The following CSMD1 variants were observed in gnomAD, a reference collection of about 807,000 sequenced individuals.
CSMD1 encodes the protein CUB and sushi domain-containing protein 1.
In CSMD1, 213 loss-of-function variants were observed where a neutral mutation model predicts 417.5. That is an observed-to-expected ratio of 0.51 (90% confidence interval 0.46 to 0.57). The LOEUF (loss-of-function observed/expected upper bound fraction) is 0.57. Among genes scored for constraint, CSMD1 ranks in the 20% least tolerant of loss-of-function variants. The pLI is 0.00. For missense variants in CSMD1, 6,923 were observed against 4,529.7 expected (o/e 1.53, Z -15.17); for synonymous variants, 2,862 against 1,736.8 (o/e 1.65, Z -16.11).
chr8:4,187,732 G>T lies in CSMD1; in HGVS notation c.416-155633C>A, dbSNP rs372634138. 4.7e-5 allele frequency among the ~76,000 whole-genome samples: 7 copies of T among 147,420 alleles called. No individual in the cohort carries two copies. The East Asian group carries it at 6.0e-4, about 13-fold the overall frequency. Reference sequence around the variant, plus strand: ...TTTATTCTAGTTAGTGTACATTAAGGCACCATAAATGAACACTCAGAGAAA... The same window carrying T: ...TTTATTCTAGTTAGTGTACATTAAGTCACCATAAATGAACACTCAGAGAAA... On this transcript the variant is annotated intron_variant, in intron 3 of 69. Coordinates refer to ENST00000635120, the MANE Select transcript of CSMD1 (RefSeq NM_033225.6).
intron 1 of CSMD1, among the ~76,000 whole-genome samples, chr8:4,832,931 T>G (rs73181601): frequency 0.037 from 5,592 of 152,240 alleles, 145 homozygotes; most frequent in South Asian, 0.07. Flanking sequence ...TACCCTTGAT[T>G]CTAAAAGCTC....
chr8:3,714,808 T>G (rs1241878991), intron 6 of CSMD1, among the ~76,000 whole-genome samples: 1 of 152,076 alleles, frequency 6.6e-6, no homozygotes, highest in Non-Finnish European at 1.5e-5. Context: ...TTTGTCTAGT[T>G]TATGATTGCA....
intron 23 of CSMD1, among the ~76,000 whole-genome samples, chr8:3,330,045 G>A (rs1462147366): frequency 6.6e-6 from 1 of 152,172 alleles, no homozygotes; most frequent in African/African-American, 2.4e-5. Context: ...AGAAGCTCAA[G>A]CCCATGGCAG....
intron 3 of CSMD1, among the ~76,000 whole-genome samples, chr8:4,170,601 T>A (rs1343529153): frequency 6.6e-6 from 1 of 151,910 alleles, no homozygotes; most frequent in Admixed American, 6.6e-5. Context: ...AAATTCTGTT[T>A]CTACAAACAT....
chr8:4,486,577 A>T (rs1801428064), intron 2 of CSMD1, among the ~76,000 whole-genome samples: 1 of 152,078 alleles, frequency 6.6e-6, no homozygotes, highest in Non-Finnish European at 1.5e-5. Context: ...ATCAATGCAT[A>T]TATAAGAAGT....
intron 5 of CSMD1, among the ~76,000 whole-genome samples, chr8:3,829,346 G>A (rs979925255): frequency 6.6e-6 from 1 of 152,036 alleles, no homozygotes; most frequent in Non-Finnish European, 1.5e-5. Context: ...GGTCTTTCTG[G>A]TTACTGAGAA....
At chr8:4,453,988 A>AT (rs1381358878) in intron 2 of CSMD1, among the ~76,000 whole-genome samples, 20 of 151,296 alleles carry the variant, frequency 1.3e-4, no homozygotes, top group African/African-American at 4.6e-4. Flanking sequence ...CGCCCGGCTA[A>AT]TTTTTTGTAT....
chr8:4,600,086 G>A (rs757276855), intron 2 of CSMD1, among the ~76,000 whole-genome samples: 1 of 152,170 alleles, frequency 6.6e-6, no homozygotes, highest in Non-Finnish European at 1.5e-5. Context: ...TGTGGAGTTA[G>A]GACTAGAGGG....
chr8:3,783,966 G>A (rs1396394238), intron 5 of CSMD1, among the ~76,000 whole-genome samples: 1 of 152,186 alleles, frequency 6.6e-6, no homozygotes, highest in Non-Finnish European at 1.5e-5. Flanking sequence ...CTGCCCTTGG[G>A]CAAATTACTT....
intron 1 of CSMD1, among the ~76,000 whole-genome samples, chr8:4,968,487 T>C (rs4875420): frequency 0.38 from 58,014 of 151,950 alleles, 11,576 homozygotes; most frequent in Non-Finnish European, 0.44. Context: ...GATTAAGATA[T>C]AGGAAAATGC....
chr8:3,770,154 TG>T (rs1798492406), intron 5 of CSMD1, among the ~76,000 whole-genome samples: 1 of 152,234 alleles, frequency 6.6e-6, no homozygotes. Flanking sequence ...CCTGCAGCCC[TG>T]GCCTATGCCA....
chr8:4,064,483 T>C (rs1228698851), intron 3 of CSMD1, among the ~76,000 whole-genome samples: 5 of 152,216 alleles, frequency 3.3e-5, no homozygotes. Context: ...TGTCTAGAGC[T>C]GCATGTGCCT....
chr8:4,697,191 T>TA (rs913250168), intron 1 of CSMD1, among the ~76,000 whole-genome samples: 12 of 151,948 alleles, frequency 7.9e-5, no homozygotes, highest in African/African-American at 1.4e-4. Context: ...ATAATAAAAA[T>TA]AAAAAAATCA....
Position 3,998,094 on chromosome 8 carries a change from T to G in CSMD1, c.627A>C (p.Gly209=), listed in dbSNP as rs562438658. ...APFCRAEGAC[G]GTLRGTSSSI... is the part of the protein sequence containing the mutation. Reference sequence around the variant, plus strand: ...AGCTGCTGGTCCCGCGTAAGGTTCCTCCGCAGGCTCCCTCAGCTGCAGGGG... The same window carrying G: ...AGCTGCTGGTCCCGCGTAAGGTTCCGCCGCAGGCTCCCTCAGCTGCAGGGG... The change falls in exon 5 of 70, where the codon GGA becomes GGC. Residue 209 remains glycine (G), a synonymous_variant. Coordinates refer to ENST00000635120, the MANE Select transcript of CSMD1 (RefSeq NM_033225.6). The G allele has an allele frequency of 5.7e-6, 9 of 1,572,390 alleles. No homozygotes were observed. The highest frequency in any genetic ancestry group is 4.7e-5 in the East Asian group (2 of 42,724).
chr8:3,594,855 G>A (rs1801018261), intron 8 of CSMD1, among the ~76,000 whole-genome samples: 1 of 152,150 alleles, frequency 6.6e-6, no homozygotes, highest in Non-Finnish European at 1.5e-5. Context: ...TTCCAGCACT[G>A]CTCATGGAGC....
intron 12 of CSMD1, among the ~76,000 whole-genome samples, chr8:3,419,671 G>T (rs138742437): frequency 6.6e-6 from 1 of 152,032 alleles, no homozygotes; most frequent in South Asian, 2.1e-4. Flanking sequence ...AAAAAGTGGA[G>T]AAATAATTCA....
rs762296751 is a variant in CSMD1 at position 3,586,151 on chromosome 8, T to C, written c.1207A>G (p.Arg403Gly). ...GGTGCCTTACCTCGGCAGATGGGCC[T>C]GTGGTCACTCCAAGCAGCGAGCGTC... ...TETLAAWSDH[R>G]PICRARTCGS... Residue 403 changes from arginine (R) to glycine (G), a missense_variant, in exon 9 of 70, where the codon AGG (arginine) becomes GGG (glycine). Physicochemically the swap from Arg to Gly is moderately radical, Grantham distance 125. Coordinates refer to ENST00000635120, the MANE Select transcript of CSMD1 (RefSeq NM_033225.6). The C allele has an allele frequency of 3.1e-6, 5 of 1,612,686 alleles. No individual in the cohort carries two copies. In the South Asian group the frequency reaches 4.4e-5, roughly 14 times the overall value.
intron 2 of CSMD1, among the ~76,000 whole-genome samples, chr8:4,440,197 C>T (rs887414363): frequency 6.6e-6 from 1 of 152,136 alleles, no homozygotes; most frequent in African/African-American, 2.4e-5. Context: ...ATCTTTTGAT[C>T]CAGCAACCTT....
chr8:3,291,695 T>C lies in CSMD1; in HGVS notation c.3951-7349A>G, dbSNP rs1322270465. On this transcript the variant is annotated intron_variant, in intron 25 of 69. Transcript: ENST00000635120. ...ATATTACCTTTATCATTTTTTATTA[T>C]GTCTATTTGATTCTTCTCTCTTTTC... Among the ~76,000 whole-genome samples the C allele has an allele frequency of 2.0e-5, 3 of 151,842 alleles. No homozygotes were observed. The East Asian group carries it at 5.8e-4, about 29-fold the overall frequency.
Sources: gnomAD v4.1 joint callset for allele counts (sites outside exome capture counted in the v4.1 genomes callset) on GRCh38, gnomAD v4.1.1 for gene constraint, MANE v1.5 for transcripts, NCBI Gene and HGNC (gene_info 2026-07-23, HGNC 2026-07-21) for gene names.